RORA: variants seen among roughly 807,000 people sequenced by gnomAD.
RORA encodes the protein RAR related orphan receptor A.
A neutral mutation model predicts 69.5 loss-of-function variants in RORA; 7 were observed. The observed-to-expected ratio is 0.10, with a 90% confidence interval of 0.06 to 0.19. RORA has a LOEUF of 0.19. RORA is among the 10% of genes least tolerant of loss of function. RORA has a pLI of 1.00. For missense variants in RORA, 457 were observed against 663.0 expected, an observed-to-expected ratio of 0.69 and a Z score of 3.41; for synonymous variants, 261 against 240.8, an observed-to-expected ratio of 1.08 and a Z score of -0.78.
chr15:60,845,358 T>C (rs936262960), intron 1 of RORA, among the ~76,000 whole-genome samples: 2 of 152,212 alleles, frequency 1.3e-5, no homozygotes, highest in African/African-American at 4.8e-5. Context: ...CGATGGTATG[T>C]TTCTCCTCTC....
At position 61,213,940 on chromosome 15, in the gene RORA, C is replaced by T. The variant is rs886183647; in HGVS notation, c.166+15113G>A. 1 of 152,228 alleles carries T rather than the reference C, an allele frequency of 6.6e-6. No individual in the cohort carries two copies. The highest frequency in any genetic ancestry group is 2.4e-5 in the African/African-American group (1 of 41,450). The allele number at this position is 152,228 out of a possible 1,614,324, so 9.4% of individuals were successfully genotyped here. A position where few individuals can be genotyped will look rare whatever the true frequency, so the allele number is the denominator to read the frequency against. On this transcript the variant is annotated intron_variant, in intron 1 of 10. Transcript: ENST00000335670. The surrounding 1 kb of genome is among the most constrained non-coding windows in gnomAD (Gnocchi z 4.1). ...TTTTCTTGCTTCATCCCAGTCCTCC[C>T]TCAGCTGGCTCATCTTTCACATATT...
chr15:60,514,839 G>C (rs750347140), intron 3 of RORA, 82 bp from the exon 4 acceptor site: 5 of 1,025,322 alleles, frequency 4.9e-6, no homozygotes, highest in South Asian at 4.5e-5. Context: ...TAAGCACTGA[G>C]TGGCATTAAT....
At chr15:61,087,025 G>A (rs953951901) in intron 1 of RORA, among the ~76,000 whole-genome samples, 1 of 152,086 alleles carries the variant, frequency 6.6e-6, no homozygotes, top group South Asian at 2.1e-4. Flanking sequence ...TTTAAAAATT[G>A]GCCAGCCATG....
At chr15:60,658,173 T>C (rs1289083195) in intron 2 of RORA, among the ~76,000 whole-genome samples, 4 of 152,024 alleles carry the variant, frequency 2.6e-5, no homozygotes, top group South Asian at 4.2e-4. Context: ...CTCTGCCTCC[T>C]GGGTTCCAGT....
chr15:60,568,268 T>C (rs2067773204), intron 2 of RORA, among the ~76,000 whole-genome samples: 1 of 152,092 alleles, frequency 6.6e-6, no homozygotes. Flanking sequence ...GAGACAAGGG[T>C]TGCCCCACCC....
At chr15:61,073,339 T>C (rs957894556) in intron 1 of RORA, among the ~76,000 whole-genome samples, 1 of 152,162 alleles carries the variant, frequency 6.6e-6, no homozygotes, top group African/African-American at 2.4e-5. Flanking sequence ...CTGTTTTATT[T>C]AAAACCAAAA....
intron 1 of RORA, among the ~76,000 whole-genome samples, chr15:60,759,649 A>C (rs891124748): frequency 4.6e-5 from 7 of 152,196 alleles, no homozygotes; most frequent in African/African-American, 1.7e-4. Flanking sequence ...CCTCTAATGT[A>C]ATCTGACATC....
At chr15:60,745,818 T>C (rs2071639454) in intron 1 of RORA, among the ~76,000 whole-genome samples, 4 of 152,190 alleles carry the variant, frequency 2.6e-5, no homozygotes, top group African/African-American at 9.7e-5. Context: ...CAAAAACTGA[T>C]GCTGCTGATT....
chr15:60,644,119 A>C (rs1053526655), intron 2 of RORA, among the ~76,000 whole-genome samples: 14 of 152,206 alleles, frequency 9.2e-5, no homozygotes, highest in Admixed American at 8.5e-4. Flanking sequence ...GACTAATTTG[A>C]GAAAATTCCT....
chr15:60,512,639 C>T (rs1037567557), intron 4 of RORA, among the ~76,000 whole-genome samples: 4 of 152,136 alleles, frequency 2.6e-5, no homozygotes, highest in Non-Finnish European at 5.9e-5. Context: ...CTCAAGTAAT[C>T]ACAGCATCAG....
intron 1 of RORA, among the ~76,000 whole-genome samples, chr15:61,164,663 C>A (rs998266625): frequency 6.6e-6 from 1 of 151,938 alleles, no homozygotes; most frequent in Non-Finnish European, 1.5e-5. Flanking sequence ...TTTTTCTCAA[C>A]CTCTGACACA....
chr15:61,133,881 T>C (rs2079213958), intron 1 of RORA, among the ~76,000 whole-genome samples: 1 of 152,202 alleles, frequency 6.6e-6, no homozygotes, highest in Non-Finnish European at 1.5e-5. Context: ...AATCTTTAAC[T>C]GTAGCAAAAT....
At chr15:60,811,048 T>C (rs1021788887) in intron 1 of RORA, among the ~76,000 whole-genome samples, 8 of 152,082 alleles carry the variant, frequency 5.3e-5, no homozygotes, top group Admixed American at 2.0e-4. Context: ...GGGAGACAAG[T>C]CCGAAAGAGA....
chr15:60,742,417 T>C (rs1197822433), intron 1 of RORA, among the ~76,000 whole-genome samples: 1 of 152,228 alleles, frequency 6.6e-6, no homozygotes, highest in East Asian at 1.9e-4. Flanking sequence ...TATTTTGATA[T>C]ATGTATACAC....
At chr15:60,819,596 C>T (rs78199899) in intron 1 of RORA, among the ~76,000 whole-genome samples, 1 of 152,270 alleles carries the variant, frequency 6.6e-6, no homozygotes, top group South Asian at 2.1e-4. Context: ...CTGCTGCTGG[C>T]GCCCTTCGGA....
intron 1 of RORA, among the ~76,000 whole-genome samples, chr15:60,980,648 A>T (rs1213697639): frequency 6.6e-6 from 1 of 152,078 alleles, no homozygotes; most frequent in Non-Finnish European, 1.5e-5. Flanking sequence ...TATGTAGGTT[A>T]TCCAGTTTGC....
intron 2 of RORA, among the ~76,000 whole-genome samples, chr15:60,579,031 T>G (rs1280030194): frequency 1.3e-5 from 2 of 151,428 alleles, no homozygotes; most frequent in Non-Finnish European, 2.9e-5. Context: ...CCTCTCAAAG[T>G]GCTGGGATTA....
At chr15:61,075,213 T>C (rs80222720) in intron 1 of RORA, among the ~76,000 whole-genome samples, 385 of 152,198 alleles carry the variant, frequency 2.5e-3, no homozygotes, top group African/African-American at 8.6e-3. Context: ...AGGGGCACTG[T>C]GAAAAAGTTC....
intron 2 of RORA, among the ~76,000 whole-genome samples, chr15:60,618,062 C>T (rs1047384008): frequency 5.9e-5 from 9 of 152,244 alleles, no homozygotes; most frequent in African/African-American, 2.2e-4. Context: ...GAATAGACTA[C>T]TACAGGCCAC....
Sources: allele counts gnomAD v4.1 joint callset (sites outside exome capture counted in the v4.1 genomes callset), GRCh38; gene constraint gnomAD v4.1.1; non-coding constraint Gnocchi (gnomAD v3.1); transcripts MANE v1.5; gene names NCBI Gene and HGNC (gene_info 2026-07-23, HGNC 2026-07-21).